YY1: variants seen among roughly 807,000 people sequenced by gnomAD.
YY1 encodes the protein transcriptional repressor protein YY1.
In YY1, 2 loss-of-function variants were observed where a neutral mutation model predicts 35.6. The ratio of observed to expected loss-of-function variants is 0.06; its 90% CI spans 0.02 to 0.18. The LOEUF (loss-of-function observed/expected upper bound fraction) is 0.18. Ranked by LOEUF, YY1 falls within the 10% of genes least tolerant of loss-of-function variation. The pLI is 1.00. For missense variants in YY1, 322 were observed against 573.4 expected (o/e 0.56, Z 4.48); for synonymous variants, 268 against 238.9 (o/e 1.12, Z -1.12).
At chr14:100,263,153 C>T (rs913298710) in intron 2 of YY1, among the ~76,000 whole-genome samples, 12 of 152,196 alleles carry the variant, frequency 7.9e-5, no homozygotes, top group African/African-American at 2.4e-4. Context: ...TCAAGTGATC[C>T]GCCTGCCTTG....
chr14:100,247,441 G>T (rs1366949551), intron 1 of YY1, among the ~76,000 whole-genome samples: 1 of 151,078 alleles, frequency 6.6e-6, no homozygotes, highest in Admixed American at 6.6e-5. Flanking sequence ...GAGTACAGTG[G>T]CACAATCTCA....
At chr14:100,252,176 T>C (rs1352373649) in intron 1 of YY1, among the ~76,000 whole-genome samples, 1 of 152,218 alleles carries the variant, frequency 6.6e-6, no homozygotes, top group Non-Finnish European at 1.5e-5. Flanking sequence ...TCTGGACTTG[T>C]AGAGTGCTTC....
At chr14:100,249,792 G>C (rs79011249) in intron 1 of YY1, among the ~76,000 whole-genome samples, 2 of 61,146 alleles carry the variant, frequency 3.3e-5, no homozygotes, top group South Asian at 1.2e-3. Context: ...GTTTTTTTTT[G>C]AGACAGAGTC....
At chr14:100,256,963 C>T (rs1443987600) in intron 1 of YY1, among the ~76,000 whole-genome samples, 1 of 151,828 alleles carries the variant, frequency 6.6e-6, no homozygotes, top group African/African-American at 2.4e-5. Flanking sequence ...GTCTTGTCAG[C>T]GTCTACTTTA....
intron 2 of YY1, 101 bp downstream of exon 2, chr14:100,262,567 T>C (rs1891099118): frequency 7.8e-7 from 1 of 1,278,882 alleles, no homozygotes; most frequent in Non-Finnish European, 1.1e-6. Flanking sequence ...TTTGTATTCT[T>C]TCTCTAGGGA....
chr14:100,255,023 TACTG>T (rs1180132669), intron 1 of YY1, among the ~76,000 whole-genome samples: 1 of 124,280 alleles, frequency 8.0e-6, no homozygotes, highest in Non-Finnish European at 1.6e-5. Context: ...GGTCTCAAAC[TACTG>T]ACCTCGTGAT....
chr14:100,245,095 C>A (rs1193338953), intron 1 of YY1, among the ~76,000 whole-genome samples: 1 of 152,036 alleles, frequency 6.6e-6, no homozygotes, highest in Admixed American at 6.6e-5. Flanking sequence ...CGCTGCCACA[C>A]CCGGCTAATT....
chr14:100,247,438 G>A (rs1180413164), intron 1 of YY1, among the ~76,000 whole-genome samples: 2 of 149,732 alleles, frequency 1.3e-5, no homozygotes, highest in Admixed American at 1.3e-4. Context: ...CGGGAGTACA[G>A]TGGCACAATC....
At chr14:100,271,941 CAG>C (rs1891244624) in intron 2 of YY1, among the ~76,000 whole-genome samples, 2 of 152,094 alleles carry the variant, frequency 1.3e-5, no homozygotes, top group African/African-American at 4.8e-5. Context: ...TGTTAGCACT[CAG>C]ATAGTTTCAG....
In YY1 at chr14:100,277,920, G is replaced by T; in HGVS notation, c.*320G>T. Reference sequence around the variant, plus strand: ...TCTTTATACAACAGTGCTAAAAATGGGACTTCTTTTCACATTCTTATAAAT... The same window carrying T: ...TCTTTATACAACAGTGCTAAAAATGTGACTTCTTTTCACATTCTTATAAAT... On this transcript the variant is annotated 3_prime_UTR_variant, in exon 5 of 5. Transcript: ENST00000262238. This position sits in a 1 kb window ranked among gnomAD's most constrained non-coding sequence, Gnocchi z 5.6. 2 of 291,106 alleles carry T rather than the reference G, an allele frequency of 6.9e-6. No individual in the cohort carries two copies. Among genetic ancestry groups the T allele is most frequent in the South Asian group, 4.4e-5 (1 of 22,748 alleles). 18.0% of individuals were successfully genotyped at this position (291,106 alleles called of 1,614,324 possible).
intron 1 of YY1, among the ~76,000 whole-genome samples, chr14:100,256,755 A>G (rs1891011161): frequency 6.6e-6 from 1 of 152,164 alleles, no homozygotes; most frequent in Non-Finnish European, 1.5e-5. Flanking sequence ...TATTTTGGGT[A>G]TAGATAGTGG....
chr14:100,270,133 G>C (rs2139597399), intron 2 of YY1, among the ~76,000 whole-genome samples: 1 of 151,288 alleles, frequency 6.6e-6, no homozygotes, highest in South Asian at 2.1e-4. Context: ...TGTGGTGGCA[G>C]GCGCCTGTAG....
intron 1 of YY1, among the ~76,000 whole-genome samples, chr14:100,249,714 A>G (rs1890891925): frequency 6.6e-6 from 1 of 150,452 alleles, no homozygotes; most frequent in Non-Finnish European, 1.5e-5. Context: ...TTTAGAGTCA[A>G]TTCTCAATTC....
intron 1 of YY1, among the ~76,000 whole-genome samples, chr14:100,242,842 G>A (rs373455780): frequency 6.6e-6 from 1 of 151,884 alleles, no homozygotes; most frequent in African/African-American, 2.4e-5. Flanking sequence ...TTCACCTCCC[G>A]GATTCAAGGG....
Position 100,281,108 on chromosome 14 carries a change from C to T in YY1, c.*3508C>T, listed in dbSNP as rs1162767246. 6.7e-6 allele frequency: 1 copy of T among 150,072 alleles called. No individual in the cohort carries two copies. Among genetic ancestry groups the T allele is most frequent in the Non-Finnish European group, 1.5e-5 (1 of 67,800 alleles). 9.3% of individuals were successfully genotyped at this position (150,072 alleles called of 1,614,324 possible). ...AAAAAGGAAACCTGACAATTCTACC[C>T]ACCTCCCCCCACCCCCGACTATAGG... On this transcript the variant is annotated 3_prime_UTR_variant, in exon 5 of 5. Transcript: ENST00000262238.
chr14:100,239,650 C>T lies in YY1; in HGVS notation c.406C>T (p.Pro136Ser), dbSNP rs1229149356. 7.5e-6 allele frequency: 12 copies of T among 1,610,210 alleles called. No homozygotes were observed. Among genetic ancestry groups the T allele is most frequent in the South Asian group, 1.1e-5 (1 of 91,034 alleles). The change falls in exon 1 of 5, where the codon CCC (proline) becomes TCC (serine). Residue 136 changes from proline to serine, a missense_variant. By Grantham distance (74) the Pro-to-Ser change is moderately conservative. Coordinates refer to ENST00000262238, the MANE Select transcript of YY1 (RefSeq NM_003403.5). The part of the protein sequence containing the change: ...GFEDQILIPV[P>S]APAGGDDDYI... ...CGAGGATCAGATTCTCATCCCGGTG[C>T]CCGCGCCGGCCGGCGGCGACGACGA...
intron 1 of YY1, among the ~76,000 whole-genome samples, chr14:100,260,706 C>T (rs892709685): frequency 4.1e-5 from 6 of 145,152 alleles, no homozygotes; most frequent in African/African-American, 5.1e-5. Flanking sequence ...CTCCTGACCT[C>T]GTGATCCACC....
In YY1 at chr14:100,274,671, G is replaced by A. The variant is rs747454498; in HGVS notation, c.843-27G>A. On this transcript the variant is annotated intron_variant, in intron 2 of 4. Transcript: ENST00000262238. ...TGAGTCTACCCACTCCTACAAATCT[G>A]TCTGTCTCTCTTTTTCTTTTGATAA... 17 of 1,604,314 alleles carry A rather than the reference G, an allele frequency of 1.1e-5. No individual in the cohort carries two copies. The East Asian group carries it at 3.8e-4, about 36-fold the overall frequency.
chr14:100,263,736 T>C (rs1036182403), intron 2 of YY1: 1 of 152,128 alleles, frequency 6.6e-6, no homozygotes, highest in East Asian at 1.9e-4. Context: ...TTTTTTTCTT[T>C]TGAGAGCAGA....
Sources: allele counts gnomAD v4.1 joint callset (sites outside exome capture counted in the v4.1 genomes callset), GRCh38; gene constraint gnomAD v4.1.1; non-coding constraint Gnocchi (gnomAD v3.1); transcripts MANE v1.5; gene names NCBI Gene and HGNC (gene_info 2026-07-23, HGNC 2026-07-21).